The following ZNF236 variants were observed in gnomAD, a reference collection of about 807,000 sequenced individuals.
ZNF236 encodes the protein zinc finger protein 236.
ZNF236 carries 50 observed loss-of-function variants against 191.2 expected under a neutral mutation model. That is an observed-to-expected ratio of 0.26 (90% CI 0.21 to 0.33). ZNF236 has a LOEUF of 0.33. Among genes scored for constraint, ZNF236 ranks in the 10% least tolerant of loss-of-function variants. The pLI, the probability that ZNF236 is intolerant of heterozygous loss-of-function variation, is 1.00. For synonymous variants in ZNF236, 907 were observed against 928.8 expected (o/e 0.98, Z 0.43); for missense variants, 1,754 against 2,374.5 (o/e 0.74, Z 5.43).
chr18:76,908,987 G>A (rs1967139233), intron 14 of ZNF236, among the ~76,000 whole-genome samples: 1 of 143,356 alleles, frequency 7.0e-6, no homozygotes, highest in South Asian at 2.1e-4. Flanking sequence ...GTGTGTGTGT[G>A]TGTGTGTGTG....
chr18:76,848,027 T>C (rs1449406238), intron 1 of ZNF236, among the ~76,000 whole-genome samples: 1 of 152,240 alleles, frequency 6.6e-6, no homozygotes, highest in Non-Finnish European at 1.5e-5. Flanking sequence ...TGTTTGCAGC[T>C]GTTGCTGACT....
At chr18:76,943,237 T>G (rs963883367) in intron 26 of ZNF236, among the ~76,000 whole-genome samples, 1 of 151,904 alleles carries the variant, frequency 6.6e-6, no homozygotes, top group Non-Finnish European at 1.5e-5. Context: ...AAGGGCCCAA[T>G]TTTGGAAGAA....
chr18:76,908,231 A>T, intron 13 of ZNF236, 89 bp from the exon 14 acceptor site: 1 of 1,452,854 alleles, frequency 6.9e-7, no homozygotes, highest in Non-Finnish European at 9.3e-7. Flanking sequence ...AATGTTATTT[A>T]ATCAATGACA....
chr18:76,857,124 G>T (rs1005381174), intron 3 of ZNF236, among the ~76,000 whole-genome samples: 4 of 151,226 alleles, frequency 2.6e-5, no homozygotes, highest in African/African-American at 9.7e-5. Context: ...TCCTTCTCTC[G>T]CAGGGCCTCC....
At chr18:76,965,973 G>C (rs574558815) in intron 30 of ZNF236, among the ~76,000 whole-genome samples, 1 of 152,166 alleles carries the variant, frequency 6.6e-6, no homozygotes, top group African/African-American at 2.4e-5. Context: ...TTTGTCTTCC[G>C]CTTCCAGGGT....
chr18:76,871,163 C>T (rs1242750282), intron 4 of ZNF236, among the ~76,000 whole-genome samples: 1 of 152,094 alleles, frequency 6.6e-6, no homozygotes, highest in East Asian at 1.9e-4. Flanking sequence ...AGGGAGCTTT[C>T]GTGTCTTGAC....
intron 3 of ZNF236, among the ~76,000 whole-genome samples, chr18:76,860,020 C>T (rs187281831): frequency 1.3e-3 from 204 of 152,240 alleles, no homozygotes; most frequent in Non-Finnish European, 2.1e-3. Flanking sequence ...TGCTTTCCAC[C>T]GCTCAGCCGC....
At chr18:76,824,349 G>T in intron 1 of ZNF236, 2 of 781,052 alleles carry the variant, frequency 2.6e-6, no homozygotes, top group Admixed American at 3.4e-5. Flanking sequence ...GCGAGCTTTC[G>T]CACACCTCAT....
intron 21 of ZNF236, among the ~76,000 whole-genome samples, chr18:76,924,187 T>C (rs1033121283): frequency 1.3e-5 from 2 of 152,210 alleles, no homozygotes; most frequent in Admixed American, 6.5e-5. Flanking sequence ...TTTTGTGTAA[T>C]GCAGTGAACT....
At chr18:76,895,857 TCACA>T (rs1261704301) in intron 10 of ZNF236, among the ~76,000 whole-genome samples, 1 of 144,084 alleles carries the variant, frequency 6.9e-6, no homozygotes, top group African/African-American at 2.5e-5. Flanking sequence ...GCACACAGTA[TCACA>T]CACAGGTATG....
chr18:76,920,194 A>T, intron 20 of ZNF236, 136 bp downstream of exon 20: 1 of 994,616 alleles, frequency 1.0e-6, no homozygotes, highest in Non-Finnish European at 1.5e-6. Context: ...CAGCTTACTT[A>T]CTTGAATGTA....
At chr18:76,957,026 G>A (rs1968539917) in intron 28 of ZNF236, among the ~76,000 whole-genome samples, 1 of 152,178 alleles carries the variant, frequency 6.6e-6, no homozygotes, top group Non-Finnish European at 1.5e-5. Flanking sequence ...TCCAAGTGAG[G>A]GATAGCCTGC....
At chr18:76,855,909 T>C (rs1568197430) in intron 3 of ZNF236, among the ~76,000 whole-genome samples, 1 of 152,334 alleles carries the variant, frequency 6.6e-6, no homozygotes, top group East Asian at 1.9e-4. Context: ...ATGTGAGATA[T>C]ATTCCTGCAA....
intron 1 of ZNF236, among the ~76,000 whole-genome samples, chr18:76,845,069 G>A (rs537005117): frequency 1.3e-5 from 2 of 152,164 alleles, no homozygotes; most frequent in South Asian, 2.1e-4. Context: ...TTTTTGGGGT[G>A]GTAAACAGCT....
At chr18:76,912,653 T>C (rs796669490) in intron 17 of ZNF236, among the ~76,000 whole-genome samples, 19 of 152,318 alleles carry the variant, frequency 1.2e-4, no homozygotes, top group African/African-American at 4.3e-4. Flanking sequence ...TTTTCGAAAT[T>C]AGTTAAATTT....
chr18:76,954,185 G>T (rs1968471615), intron 27 of ZNF236, among the ~76,000 whole-genome samples: 1 of 152,162 alleles, frequency 6.6e-6, no homozygotes, highest in South Asian at 2.1e-4. Flanking sequence ...TAATTCAGAA[G>T]CTTTGCTTCT....
chr18:76,842,013 T>C (rs1975521588), intron 1 of ZNF236, among the ~76,000 whole-genome samples: 1 of 152,134 alleles, frequency 6.6e-6, no homozygotes, highest in African/African-American at 2.4e-5. Flanking sequence ...AACTGGTGTC[T>C]TATCTCAGAA....
At chr18:76,827,816 A>T (rs1240760884) in intron 1 of ZNF236, among the ~76,000 whole-genome samples, 1 of 152,134 alleles carries the variant, frequency 6.6e-6, no homozygotes, top group Non-Finnish European at 1.5e-5. Context: ...GATGAGTGAG[A>T]TATGCTTTTT....
rs891025784 is a variant in ZNF236, at chr18:76,880,708, C to T, written c.1188+392C>T. 6.6e-6 allele frequency among the ~76,000 whole-genome samples: 1 copy of T among 152,102 alleles called. No individual in the cohort carries two copies. The highest frequency in any genetic ancestry group is 6.5e-5 in the Admixed American group (1 of 15,278). On this transcript the variant is annotated intron_variant, in intron 8 of 30. Coordinates refer to ENST00000320610, the MANE Select transcript of ZNF236 (RefSeq NM_001306089.2). The surrounding 1 kb of genome is among the most constrained non-coding windows in gnomAD (Gnocchi z 5.0). ...ACAATTCTGAGAGCGTTCATACTGC[C>T]TGGCCTTCTCTCGTGGGTGTGTGGG... is the stretch of plus-strand genomic sequence containing the variant.
Sources: allele counts gnomAD v4.1 joint callset (sites outside exome capture counted in the v4.1 genomes callset), GRCh38; gene constraint gnomAD v4.1.1; non-coding constraint Gnocchi (gnomAD v3.1); transcripts MANE v1.5; gene names NCBI Gene and HGNC (gene_info 2026-07-23, HGNC 2026-07-21).